CDH2: variants seen among roughly 807,000 people sequenced by gnomAD.
The protein encoded by CDH2 is cadherin-2.
In CDH2, 17 loss-of-function variants were observed where a neutral mutation model predicts 92.0. The observed-to-expected ratio is 0.18, with a 90% CI of 0.13 to 0.28. CDH2 has a LOEUF of 0.28. CDH2 is among the 10% of genes least tolerant of loss of function. The pLI is 1.00. For synonymous variants in CDH2, 419 were observed against 415.9 expected (o/e 1.01, Z -0.09); for missense variants, 862 against 1,133.1 (o/e 0.76, Z 3.44).
At chr18:28,032,770 A>C (rs927378335) in intron 2 of CDH2, among the ~76,000 whole-genome samples, 1 of 152,066 alleles carries the variant, frequency 6.6e-6, no homozygotes, top group Non-Finnish European at 1.5e-5. Context: ...GGTGGTACTG[A>C]TGCCCAAAGC....
intron 2 of CDH2, among the ~76,000 whole-genome samples, chr18:28,048,826 C>T (rs1352234322): frequency 6.6e-6 from 1 of 152,044 alleles, no homozygotes; most frequent in African/African-American, 2.4e-5. Context: ...AGCAGCCTGC[C>T]ATCAGACATT....
chr18:27,936,375 T>C (rs933068065), intron 6 of CDH2, among the ~76,000 whole-genome samples: 16 of 152,224 alleles, frequency 1.1e-4, no homozygotes, highest in Non-Finnish European at 1.3e-4. Flanking sequence ...GCAGGGCTCC[T>C]GGCTGAAAAC....
At chr18:27,988,496 A>G (rs1393910181) in intron 11 of CDH2, 28 bp downstream of exon 11, 1 of 1,600,270 alleles carries the variant, frequency 6.2e-7, no homozygotes. Context: ...GTCTTTCATC[A>G]ACATACAAGA....
chr18:28,166,883 G>A (rs1015858516), intron 1 of CDH2, among the ~76,000 whole-genome samples: 3 of 151,928 alleles, frequency 2.0e-5, no homozygotes, highest in African/African-American at 7.2e-5. Context: ...CAGAAAGAAA[G>A]ATGCTGGGAC....
chr18:28,035,542 A>T (rs2013804891), intron 2 of CDH2, among the ~76,000 whole-genome samples: 1 of 152,150 alleles, frequency 6.6e-6, no homozygotes, highest in Non-Finnish European at 1.5e-5. Flanking sequence ...ACTCATATTC[A>T]TCTTGTTTAA....
intron 1 of CDH2, among the ~76,000 whole-genome samples, chr18:28,155,493 G>T (rs577241723): frequency 3.2e-4 from 49 of 152,208 alleles, no homozygotes; most frequent in Non-Finnish European, 5.9e-4. Flanking sequence ...AATCAAGCCT[G>T]CAAAAAAACG....
Position 27,943,647 on chromosome 18 carries a change from C to T in CDH2, c.1152-10523G>A, listed in dbSNP as rs562952141. On this transcript the variant is annotated intron_variant, in intron 6 of 6. Coordinates refer to the CDH2 transcript ENST00000675173. ...ATTAAATGAATTAATATGCCAAGTC[C>T]ACAGCCCAGTATCTATGCACCTGGA... 2.0e-5 allele frequency among the ~76,000 whole-genome samples: 3 copies of T among 152,218 alleles called. No homozygotes were observed. In the South Asian group the frequency reaches 6.2e-4, roughly 32 times the overall value.
chr18:28,034,352 G>A (rs2013773776), intron 2 of CDH2, among the ~76,000 whole-genome samples: 1 of 152,104 alleles, frequency 6.6e-6, no homozygotes, highest in Admixed American at 6.6e-5. Flanking sequence ...ATGCTGAGCA[G>A]TCATTATGAA....
In CDH2 at chr18:27,993,491, T is replaced by A; in HGVS notation, c.1158+9A>T. On this transcript the variant is annotated intron_variant, in intron 8 of 15. Transcript: ENST00000269141. ...ACCCAAAGTTGTGTGAGTGACAGGC[T>A]GTACTCACCGTCATGGCAGTAAACT... The A allele has an allele frequency of 6.2e-7, 1 of 1,613,092 alleles. No homozygotes were observed. The highest frequency in any genetic ancestry group is 8.5e-7 in the Non-Finnish European group (1 of 1,179,508).
At chr18:28,104,645 G>A (rs1399046825) in intron 2 of CDH2, among the ~76,000 whole-genome samples, 7 of 150,800 alleles carry the variant, frequency 4.6e-5, no homozygotes, top group African/African-American at 1.7e-4. Context: ...TAATTCAATA[G>A]ACAAAAAAAC....
In CDH2 at chr18:28,036,421, A is replaced by C. The variant is rs765931074; in HGVS notation, c.173-22512T>G. Reference sequence around the variant, plus strand: ...TCATTTTATGTTACTTTGTTTTCCAAGTTAACTAAATCACCATGTTATGGA... The same window carrying C: ...TCATTTTATGTTACTTTGTTTTCCACGTTAACTAAATCACCATGTTATGGA... On this transcript the variant is annotated intron_variant, in intron 2 of 15. Transcript: ENST00000269141. 3 of 868,484 alleles carry C rather than the reference A, an allele frequency of 3.5e-6. No homozygotes were observed. The African/African-American group carries it at 5.0e-5, about 14-fold the overall frequency. 53.8% of individuals were successfully genotyped at this position (868,484 alleles called of 1,614,324 possible).
intron 2 of CDH2, among the ~76,000 whole-genome samples, chr18:28,079,590 G>A (rs899131661): frequency 1.3e-5 from 2 of 152,076 alleles, no homozygotes; most frequent in Admixed American, 6.6e-5. Context: ...ACAAAACCAA[G>A]GCAAAACAAA....
chr18:28,159,693 G>A (rs1040506764), intron 1 of CDH2, among the ~76,000 whole-genome samples: 1 of 142,546 alleles, frequency 7.0e-6, no homozygotes, highest in African/African-American at 2.7e-5. Context: ...GTCTCACTCT[G>A]TCACCCAGGC....
intron 2 of CDH2, among the ~76,000 whole-genome samples, chr18:28,091,949 G>A (rs1599094285): frequency 6.6e-6 from 1 of 151,456 alleles, no homozygotes; most frequent in African/African-American, 2.4e-5. Context: ...TGGCTTCTTC[G>A]CAGGCCTTTC....
At chr18:27,954,770 T>TG (rs1909630124) in intron 15 of CDH2, 1 of 152,228 alleles carries the variant, frequency 6.6e-6, no homozygotes, top group Non-Finnish European at 1.5e-5. Context: ...ATTTGTTGAT[T>TG]ATCTATTAAT....
intron 2 of CDH2, among the ~76,000 whole-genome samples, chr18:28,047,868 CAAAAAAAAA>C (rs149752979): frequency 4.3e-4 from 20 of 46,950 alleles, no homozygotes; most frequent in East Asian, 1.8e-3. Context: ...GACTCCATCT[CAAAAAAAAA>C]AAAAAAAAAA....
chr18:27,956,075 G>C (rs1034888801), intron 15 of CDH2, among the ~76,000 whole-genome samples: 1 of 152,162 alleles, frequency 6.6e-6, no homozygotes, highest in Non-Finnish European at 1.5e-5. Context: ...GAAACTGACA[G>C]TAACAGGCAC....
At chr18:28,006,799 A>C (rs192764084) in intron 5 of CDH2, among the ~76,000 whole-genome samples, 90 of 151,986 alleles carry the variant, frequency 5.9e-4, no homozygotes, top group African/African-American at 2.1e-3. Flanking sequence ...TCTAGAAAGA[A>C]GTGTACATAG....
intron 2 of CDH2, among the ~76,000 whole-genome samples, chr18:28,133,321 T>C (rs1330329273): frequency 6.6e-6 from 1 of 152,074 alleles, no homozygotes; most frequent in African/African-American, 2.4e-5. Flanking sequence ...TGATGGCTCA[T>C]GCCTGTAATC....
Sources: allele counts gnomAD v4.1 joint callset (sites outside exome capture counted in the v4.1 genomes callset), GRCh38; gene constraint gnomAD v4.1.1; transcripts MANE v1.5; gene names NCBI Gene and HGNC (gene_info 2026-07-23, HGNC 2026-07-21).